The following PTPRD variants were observed in gnomAD, a reference collection of about 807,000 sequenced individuals.
PTPRD encodes the protein receptor-type tyrosine-protein phosphatase delta.
A neutral mutation model predicts 214.5 loss-of-function variants in PTPRD; 34 were observed. The observed-to-expected ratio is 0.16, with a 90% confidence interval of 0.12 to 0.21. The LOEUF (loss-of-function observed/expected upper bound fraction) is 0.21, where lower values mean the gene tolerates loss of function less well. Ranked by LOEUF, PTPRD falls within the 10% of genes least tolerant of loss-of-function variation. The pLI, the probability that PTPRD is intolerant of heterozygous loss-of-function variation, is 1.00. For synonymous variants in PTPRD, 1,128 were observed against 845.7 expected (o/e 1.33, Z -5.79); for missense variants, 2,545 against 2,398.7 (o/e 1.06, Z -1.27).
chr9:10,307,695 A>T (rs642309), intron 3 of PTPRD, among the ~76,000 whole-genome samples: 32,930 of 151,866 alleles, frequency 0.22, 3,722 homozygotes, highest in South Asian at 0.35. Flanking sequence ...TCCCTTAAAT[A>T]CTGGATGTAA....
At chr9:8,675,316 T>C (rs2097379322) in intron 12 of PTPRD, among the ~76,000 whole-genome samples, 2 of 151,992 alleles carry the variant, frequency 1.3e-5, no homozygotes, top group Admixed American at 6.6e-5. Flanking sequence ...GAAATGGAAA[T>C]ACAAAGGTTT....
intron 3 of PTPRD, among the ~76,000 whole-genome samples, chr9:10,279,135 C>T (rs994755388): frequency 1.3e-5 from 2 of 151,986 alleles, no homozygotes; most frequent in Admixed American, 1.3e-4. Flanking sequence ...TTTGGATAAT[C>T]AATCATAATT....
chr9:10,262,997 G>A (rs951262622), intron 3 of PTPRD, among the ~76,000 whole-genome samples: 10 of 152,210 alleles, frequency 6.6e-5, no homozygotes, highest in East Asian at 5.8e-4. Context: ...GTTTTAAAAG[G>A]GGTTTCCCCT....
chr9:9,578,523 T>C (rs1375350291), intron 7 of PTPRD, among the ~76,000 whole-genome samples: 1 of 152,042 alleles, frequency 6.6e-6, no homozygotes, highest in East Asian at 1.9e-4. Context: ...TTTGGAAACC[T>C]AAAAATTGGA....
At chr9:9,885,722 AG>A (rs1351136217) in intron 5 of PTPRD, among the ~76,000 whole-genome samples, 2 of 152,064 alleles carry the variant, frequency 1.3e-5, no homozygotes, top group African/African-American at 4.8e-5. Flanking sequence ...GCAACAAAAT[AG>A]GTTATCCCCC....
chr9:9,282,266 C>A (rs936824731), intron 9 of PTPRD, among the ~76,000 whole-genome samples: 2 of 151,102 alleles, frequency 1.3e-5, no homozygotes, highest in African/African-American at 2.4e-5. Context: ...ATTGATGCTA[C>A]CAAATGTACC....
intron 3 of PTPRD, among the ~76,000 whole-genome samples, chr9:10,336,335 G>C (rs115497446): frequency 5.9e-5 from 9 of 151,584 alleles, no homozygotes; most frequent in Non-Finnish European, 1.0e-4. Context: ...TTAGTAAGCA[G>C]AAGGAGAATA....
chr9:8,674,999 G>A (rs73425471), intron 12 of PTPRD, among the ~76,000 whole-genome samples: 1 of 152,016 alleles, frequency 6.6e-6, no homozygotes, highest in African/African-American at 2.4e-5. Context: ...AATAACCAGG[G>A]TATATTTTTT....
At chr9:9,031,915 G>C (rs890276019) in intron 10 of PTPRD, among the ~76,000 whole-genome samples, 2 of 151,934 alleles carry the variant, frequency 1.3e-5, no homozygotes, top group African/African-American at 4.8e-5. Context: ...CTAAATGGAA[G>C]ACTACCTATT....
At chr9:9,547,159 C>G (rs1404879976) in intron 8 of PTPRD, among the ~76,000 whole-genome samples, 1 of 151,988 alleles carries the variant, frequency 6.6e-6, no homozygotes, top group Non-Finnish European at 1.5e-5. Context: ...CAAGGAAACC[C>G]TGTCTAAATT....
chr9:10,516,664 G>C (rs896753392), intron 2 of PTPRD, among the ~76,000 whole-genome samples: 4 of 151,914 alleles, frequency 2.6e-5, no homozygotes, highest in Non-Finnish European at 5.9e-5. Context: ...ATATCATGAA[G>C]CTTTTACTCT....
intron 11 of PTPRD, among the ~76,000 whole-genome samples, chr9:8,789,721 A>T (rs572339693): frequency 1.3e-5 from 2 of 152,348 alleles, no homozygotes; most frequent in East Asian, 3.9e-4. Context: ...CTTTAAAAAA[A>T]ACCAGAATAG....
At chr9:8,982,147 G>C (rs1451893263) in intron 11 of PTPRD, among the ~76,000 whole-genome samples, 4 of 152,030 alleles carry the variant, frequency 2.6e-5, no homozygotes, top group African/African-American at 4.8e-5. Context: ...ATTGTTAAAA[G>C]AGGAAAATAT....
intron 11 of PTPRD, among the ~76,000 whole-genome samples, chr9:8,840,525 G>C (rs1412668723): frequency 6.6e-6 from 1 of 152,078 alleles, no homozygotes; most frequent in African/African-American, 2.4e-5. Context: ...GTGTGAAAGC[G>C]GACTAATACA....
intron 9 of PTPRD, among the ~76,000 whole-genome samples, chr9:9,384,709 C>G (rs2063359652): frequency 6.6e-6 from 1 of 151,854 alleles, no homozygotes; most frequent in Admixed American, 6.6e-5. Context: ...AAATGAGCTC[C>G]TTGATCACTA....
At chr9:10,457,148 G>A (rs1161058659) in intron 2 of PTPRD, among the ~76,000 whole-genome samples, 5 of 151,858 alleles carry the variant, frequency 3.3e-5, no homozygotes, top group Non-Finnish European at 7.4e-5. Context: ...TATCTTAAAT[G>A]TAGAGCTGGA....
intron 5 of PTPRD, among the ~76,000 whole-genome samples, chr9:9,856,730 C>T (rs982806731): frequency 2.0e-5 from 3 of 152,100 alleles, no homozygotes; most frequent in African/African-American, 7.2e-5. Context: ...CCTGCAGCAG[C>T]GGGATACTTT....
chr9:10,241,104 A>G (rs1294228695), intron 3 of PTPRD, among the ~76,000 whole-genome samples: 1 of 151,894 alleles, frequency 6.6e-6, no homozygotes, highest in African/African-American at 2.4e-5. Context: ...AAGATGCTCA[A>G]CATCATTAAC....
intron 14 of PTPRD, among the ~76,000 whole-genome samples, chr9:8,623,315 C>G (rs1046790558): frequency 1.3e-5 from 2 of 151,892 alleles, no homozygotes; most frequent in African/African-American, 4.8e-5. Context: ...ATCTAATTTT[C>G]TCTTAAGTAT....
Sources: gnomAD v4.1 joint callset for allele counts (sites outside exome capture counted in the v4.1 genomes callset) on GRCh38, gnomAD v4.1.1 for gene constraint, MANE v1.5 for transcripts, NCBI Gene and HGNC (gene_info 2026-07-23, HGNC 2026-07-21) for gene names.